FNDC3B: variants seen among roughly 807,000 people sequenced by gnomAD.
FNDC3B encodes the protein fibronectin type III domain-containing protein 3B.
FNDC3B carries 12 observed loss-of-function variants against 151.5 expected under a neutral mutation model. That is an observed-to-expected ratio of 0.08 (90% CI 0.05 to 0.13). The LOEUF is 0.13. Among genes scored for constraint, FNDC3B ranks in the 10% least tolerant of loss-of-function variants. The pLI, the probability that FNDC3B is intolerant of heterozygous loss-of-function variation, is 1.00. For missense variants in FNDC3B, 1,214 were observed against 1,505.3 expected, an observed-to-expected ratio of 0.81 and a Z score of 3.20; for synonymous variants, 528 against 549.0, an observed-to-expected ratio of 0.96 and a Z score of 0.54.
intron 23 of FNDC3B, among the ~76,000 whole-genome samples, chr3:172,373,394 A>G (rs7638580): frequency 0.15 from 22,390 of 152,148 alleles, 2,496 homozygotes; most frequent in East Asian, 0.57. Flanking sequence ...AGCAGGTGGA[A>G]TCTAAGCACT....
intron 7 of FNDC3B, among the ~76,000 whole-genome samples, chr3:172,292,259 C>T (rs962783168): frequency 1.3e-5 from 2 of 152,178 alleles, no homozygotes; most frequent in Admixed American, 6.5e-5. Context: ...TCACAGAAAC[C>T]GCTTTCCTTT....
At chr3:172,269,838 A>G (rs1056720916) in intron 6 of FNDC3B, among the ~76,000 whole-genome samples, 3 of 151,938 alleles carry the variant, frequency 2.0e-5, no homozygotes, top group Admixed American at 1.3e-4. Flanking sequence ...TAGTAGAGAC[A>G]GGGTTTCACA....
intron 22 of FNDC3B, among the ~76,000 whole-genome samples, chr3:172,362,023 A>T (rs1005443433): frequency 6.6e-6 from 1 of 152,214 alleles, no homozygotes; most frequent in African/African-American, 2.4e-5. Context: ...AAATTCATGG[A>T]TGATTAAGGT....
intron 17 of FNDC3B, among the ~76,000 whole-genome samples, chr3:172,341,519 T>A (rs1733322995): frequency 6.6e-6 from 1 of 150,678 alleles, no homozygotes; most frequent in Non-Finnish European, 1.5e-5. Flanking sequence ...TGTCTGGAAT[T>A]TGCATTGACT....
rs1717704502 is a variant in FNDC3B, at chr3:172,070,291, G to C, written c.-29+30520G>C. ...GGTGCTAAACTGAGATCTGTCAATA[G>C]AGTGCAACCTTTCGAAAGTCTTAAA... is the stretch of plus-strand genomic sequence containing the variant. On this transcript the variant is annotated intron_variant, in intron 1 of 25. Coordinates refer to ENST00000415807, the MANE Select transcript of FNDC3B (RefSeq NM_022763.4). 2.2e-5 allele frequency among the ~76,000 whole-genome samples: 3 copies of C among 139,524 alleles called. No individual in the cohort carries two copies. The South Asian group carries it at 7.1e-4, about 33-fold the overall frequency. 91.5% of individuals were successfully genotyped at this position (139,524 alleles called of 152,430 possible).
At chr3:172,372,955 G>C (rs959120470) in intron 23 of FNDC3B, among the ~76,000 whole-genome samples, 26 of 152,226 alleles carry the variant, frequency 1.7e-4, no homozygotes, top group African/African-American at 3.1e-4. Context: ...TGGCAGTAAA[G>C]CGCAGAGCTG....
At position 172,397,238 on chromosome 3, in the gene FNDC3B, T is replaced by G; in HGVS notation, c.3378T>G (p.Cys1126Trp). ...ACACAGACTACAGGTTCCGCGTATG[T>G]GCGTGTCGTCGCTGTTTAGACACCT... is the stretch of plus-strand genomic sequence containing the variant. ...QTNTDYRFRV[C>W]ACRRCLDTSQ... Residue 1126 changes from cysteine (C) to tryptophan (W), a missense_variant, in exon 26 of 26, where the codon TGT becomes TGG. By Grantham distance (215) the Cys-to-Trp change is radical (BLOSUM62 -2). This residue lies in a region of FNDC3B where 284 missense variants were observed against 392.4 expected (regional missense o/e 0.72). Coordinates refer to ENST00000415807, the MANE Select transcript of FNDC3B (RefSeq NM_022763.4). 6.2e-7 allele frequency: 1 copy of G among 1,614,216 alleles called. No homozygotes were observed. Among genetic ancestry groups the G allele is most frequent in the Non-Finnish European group, 8.5e-7 (1 of 1,180,028 alleles).
rs1416819995 is a variant in FNDC3B, at chr3:172,352,336, C to G, written c.2515-467C>G. Among the ~76,000 whole-genome samples, 1 of 152,102 alleles carries G rather than the reference C, an allele frequency of 6.6e-6. No individual in the cohort carries two copies. Among genetic ancestry groups the G allele is most frequent in the Admixed American group, 6.5e-5 (1 of 15,284 alleles). On this transcript the variant is annotated intron_variant, in intron 21 of 25. Transcript: ENST00000415807. This position sits in a 1 kb window ranked among gnomAD's most constrained non-coding sequence, Gnocchi z 4.2. ...ATGTGGAAGATAGAAGATGCCTTTT[C>G]CTATTGCTATTCCAGGACAGCTCTA...
intron 2 of FNDC3B, among the ~76,000 whole-genome samples, chr3:172,127,937 C>T (rs553744774): frequency 7.8e-4 from 119 of 152,334 alleles, no homozygotes; most frequent in Middle Eastern, 6.8e-3. Flanking sequence ...GGATTATAGG[C>T]GTGAGCCACC....
intron 3 of FNDC3B, among the ~76,000 whole-genome samples, chr3:172,183,087 T>A (rs1723998711): frequency 1.3e-5 from 2 of 152,210 alleles, no homozygotes; most frequent in Non-Finnish European, 2.9e-5. Context: ...CAGTTGCTCT[T>A]TAGAATTTGT....
chr3:172,208,289 C>T (rs1394218629), intron 3 of FNDC3B, among the ~76,000 whole-genome samples: 2 of 152,172 alleles, frequency 1.3e-5, no homozygotes, highest in African/African-American at 4.8e-5. Flanking sequence ...CTTTAATTTA[C>T]TGTGCAGTTA....
At chr3:172,328,057 C>T (rs1732450409) in intron 11 of FNDC3B, among the ~76,000 whole-genome samples, 1 of 152,154 alleles carries the variant, frequency 6.6e-6, no homozygotes, top group African/African-American at 2.4e-5. Context: ...TATTACATGC[C>T]TGTGAGTGTG....
At chr3:172,067,117 C>T (rs532324845) in intron 1 of FNDC3B, among the ~76,000 whole-genome samples, 86 of 152,324 alleles carry the variant, frequency 5.6e-4, no homozygotes, top group African/African-American at 2.1e-3. Flanking sequence ...GTCTCCTACC[C>T]TCACCCAGTC....
At chr3:172,139,107 C>T (rs149467218) in intron 3 of FNDC3B, among the ~76,000 whole-genome samples, 2 of 152,120 alleles carry the variant, frequency 1.3e-5, no homozygotes, top group African/African-American at 2.4e-5. Context: ...GAGTCAGCAT[C>T]CAGAATGTCA....
intron 11 of FNDC3B, 79 bp from the exon 12 acceptor site, chr3:172,328,873 G>A: frequency 1.8e-6 from 2 of 1,142,658 alleles, no homozygotes; most frequent in Non-Finnish European, 2.4e-6. Context: ...AGATGTTCAA[G>A]ATGCTCCTTC....
At chr3:172,061,451 C>A (rs1717194962) in intron 1 of FNDC3B, among the ~76,000 whole-genome samples, 1 of 152,032 alleles carries the variant, frequency 6.6e-6, no homozygotes, top group Admixed American at 6.5e-5. Context: ...CCAGGATGGT[C>A]TCGATCTCCT....
At chr3:172,206,591 G>A (rs746773783) in intron 3 of FNDC3B, among the ~76,000 whole-genome samples, 10 of 145,826 alleles carry the variant, frequency 6.9e-5, no homozygotes, top group Non-Finnish European at 1.2e-4. Flanking sequence ...TCCAGAAGGC[G>A]GATGTTGCAA....
intron 2 of FNDC3B, among the ~76,000 whole-genome samples, chr3:172,130,857 C>G (rs1315447620): frequency 6.6e-6 from 1 of 152,142 alleles, no homozygotes; most frequent in Non-Finnish European, 1.5e-5. Flanking sequence ...TGGTTCCCCC[C>G]TCCCCCAGCT....
intron 25 of FNDC3B, among the ~76,000 whole-genome samples, chr3:172,384,899 G>T (rs1735629416): frequency 6.6e-6 from 1 of 152,134 alleles, no homozygotes; most frequent in Non-Finnish European, 1.5e-5. Flanking sequence ...TATAAACAAA[G>T]TGTTCCTTGT....
Sources: gnomAD v4.1 joint callset for allele counts (sites outside exome capture counted in the v4.1 genomes callset) on GRCh38, gnomAD v4.1.1 for gene constraint, gnomAD v4.1.1 regional missense constraint, Gnocchi (gnomAD v3.1) non-coding constraint, MANE v1.5 for transcripts, NCBI Gene and HGNC (gene_info 2026-07-23, HGNC 2026-07-21) for gene names.